Variants in ARFIP1 observed in about 807,000 individuals in gnomAD.
The protein encoded by ARFIP1 is arfaptin-1.
Under a neutral mutation model 42.5 loss-of-function variants are expected in ARFIP1, and 24 were observed. That is an observed-to-expected ratio of 0.57 (90% CI 0.41 to 0.80). The LOEUF is 0.80. ARFIP1 is among the 30% of genes least tolerant of loss of function. ARFIP1 has a pLI of 0.00. For synonymous variants in ARFIP1, 141 were observed against 153.7 expected (o/e 0.92, Z 0.61); for missense variants, 354 against 434.0 (o/e 0.82, Z 1.64).
chr4:152,819,308 G>T (rs1172353401), intron 1 of ARFIP1, among the ~76,000 whole-genome samples: 1 of 152,130 alleles, frequency 6.6e-6, no homozygotes, highest in East Asian at 1.9e-4. Context: ...CATCACCCTG[G>T]CTAACTAGAA....
intron 2 of ARFIP1, among the ~76,000 whole-genome samples, chr4:152,854,617 G>A (rs1268723579): frequency 6.6e-6 from 1 of 152,190 alleles, no homozygotes; most frequent in African/African-American, 2.4e-5. Context: ...TGTAGGGGAG[G>A]ACTTTTTCCT....
chr4:152,911,057 A>G lies in ARFIP1; in HGVS notation c.*838A>G, dbSNP rs1020816664. On this transcript the variant is annotated 3_prime_UTR_variant, in exon 9 of 9. Coordinates refer to ENST00000353617, the MANE Select transcript of ARFIP1 (RefSeq NM_001025595.3). ...TTTGGGTCAGTTCCATTTTGATAGA[A>G]GTGAATACATAGACAGCTTTTATTG... The G allele has an allele frequency of 4.6e-5, 7 of 152,636 alleles. No individual in the cohort carries two copies. Among genetic ancestry groups the G allele is most frequent in the Admixed American group, 3.9e-4 (6 of 15,284 alleles). The allele number at this position is 152,636 out of a possible 1,614,324, so 9.5% of individuals were successfully genotyped here. A position where few individuals can be genotyped will look rare whatever the true frequency, so the allele number is the denominator to read the frequency against.
chr4:152,862,684 T>C (rs971181908), intron 2 of ARFIP1, among the ~76,000 whole-genome samples: 6 of 152,204 alleles, frequency 3.9e-5, no homozygotes, highest in Non-Finnish European at 8.8e-5. Context: ...CCCATGAAAA[T>C]TTAATAAAGG....
chr4:152,880,350 C>CAA (rs200632915), intron 5 of ARFIP1, among the ~76,000 whole-genome samples: 4 of 125,526 alleles, frequency 3.2e-5, no homozygotes, highest in Non-Finnish European at 5.1e-5. Flanking sequence ...CCATCTCAGA[C>CAA]AAAAAAAAAA....
intron 1 of ARFIP1, among the ~76,000 whole-genome samples, 166 bp downstream of exon 1, chr4:152,780,392 C>T (rs1008688137): frequency 4.6e-5 from 7 of 152,212 alleles, no homozygotes; most frequent in African/African-American, 1.7e-4. Context: ...TTGGTTTCTT[C>T]TGTCCTTCAT....
At chr4:152,867,230 C>T (rs187161520) in intron 3 of ARFIP1, among the ~76,000 whole-genome samples, 4 of 152,332 alleles carry the variant, frequency 2.6e-5, no homozygotes, top group Admixed American at 6.5e-5. Context: ...GAACGAGACT[C>T]CGTCTGCAAT....
intron 2 of ARFIP1, among the ~76,000 whole-genome samples, chr4:152,849,373 T>C (rs1222837218): frequency 6.6e-6 from 1 of 152,252 alleles, no homozygotes; most frequent in Non-Finnish European, 1.5e-5. Context: ...AGTGTGTCGT[T>C]ATTTATAAAC....
intron 2 of ARFIP1, among the ~76,000 whole-genome samples, chr4:152,834,662 GCCCC>G (rs1731511680): frequency 2.0e-5 from 3 of 152,230 alleles, no homozygotes; most frequent in African/African-American, 7.2e-5. Context: ...GGGCAGCTCT[GCCCC>G]AGCCTCCATG....
intron 1 of ARFIP1, among the ~76,000 whole-genome samples, chr4:152,819,583 G>A (rs1730192230): frequency 6.6e-6 from 1 of 152,172 alleles, no homozygotes; most frequent in South Asian, 2.1e-4. Context: ...TTCACAGTAT[G>A]GGCCCTCAGC....
intron 2 of ARFIP1, among the ~76,000 whole-genome samples, chr4:152,832,020 A>C (rs1177273287): frequency 6.6e-6 from 1 of 151,326 alleles, no homozygotes; most frequent in East Asian, 1.9e-4. Flanking sequence ...TCCATTCTTC[A>C]GCTGATTGTT....
At chr4:152,795,894 C>CT (rs1481389537) in intron 1 of ARFIP1, among the ~76,000 whole-genome samples, 2 of 80,880 alleles carry the variant, frequency 2.5e-5, no homozygotes, top group African/African-American at 9.0e-5. Flanking sequence ...ATTTTTGGTC[C>CT]TTTTTCCCTT....
At chr4:152,871,114 A>G (rs1046580639) in intron 4 of ARFIP1, among the ~76,000 whole-genome samples, 5 of 152,216 alleles carry the variant, frequency 3.3e-5, no homozygotes, top group Admixed American at 2.6e-4. Context: ...GCTTTAAATC[A>G]TTCTTTCTTT....
chr4:152,793,871 G>A (rs550345464), intron 1 of ARFIP1, among the ~76,000 whole-genome samples: 9 of 152,070 alleles, frequency 5.9e-5, no homozygotes, highest in African/African-American at 1.9e-4. Context: ...AAAACGAACT[G>A]CCTGAACCTT....
At chr4:152,824,292 G>A (rs144063156) in intron 1 of ARFIP1, among the ~76,000 whole-genome samples, 2,463 of 149,660 alleles carry the variant, frequency 0.016, 67 homozygotes, top group African/African-American at 0.056. Context: ...CAGCCTGGGC[G>A]ACAGAGCAAG....
At chr4:152,845,096 A>G (rs992763512) in intron 2 of ARFIP1, among the ~76,000 whole-genome samples, 8 of 152,226 alleles carry the variant, frequency 5.3e-5, no homozygotes, top group Non-Finnish European at 1.0e-4. Flanking sequence ...GTCAACAAAA[A>G]TAAGCAATGA....
chr4:152,836,730 A>T (rs1274527178), intron 2 of ARFIP1, among the ~76,000 whole-genome samples: 1 of 152,182 alleles, frequency 6.6e-6, no homozygotes, highest in Non-Finnish European at 1.5e-5. Flanking sequence ...CACTGAAACA[A>T]ATTTTTTTCC....
chr4:152,783,839 G>A (rs1730643598), intron 1 of ARFIP1, among the ~76,000 whole-genome samples: 1 of 152,070 alleles, frequency 6.6e-6, no homozygotes, highest in South Asian at 2.1e-4. Flanking sequence ...TCTCTGGTGT[G>A]TGTGTGTGTG....
At position 152,882,797 on chromosome 4, in the gene ARFIP1, T is replaced by C. The variant is rs370072389; in HGVS notation, c.708T>C (p.Asn236=). The part of the protein sequence containing the change: ...KNGETLLGAI[N]FFIASVNTLV... The stretch of plus-strand genomic sequence containing the variant: ...GAGAGACTCTTCTTGGGGCCATTAA[T>C]TTTTTCATTGCTAGTGTGAACACTT... Residue 236 remains asparagine, a synonymous_variant, in exon 7 of 9, where the codon AAT becomes AAC. Coordinates refer to ENST00000353617, the MANE Select transcript of ARFIP1 (RefSeq NM_001025595.3). 5 of 1,613,076 alleles carry C rather than the reference T, an allele frequency of 3.1e-6. No homozygotes were observed. The highest frequency in any genetic ancestry group is 4.2e-6 in the Non-Finnish European group (5 of 1,179,494).
chr4:152,791,988 T>C (rs1561098869), intron 1 of ARFIP1, among the ~76,000 whole-genome samples: 1 of 152,164 alleles, frequency 6.6e-6, no homozygotes, highest in Non-Finnish European at 1.5e-5. Context: ...TCTGTTCCTG[T>C]TTATCCATGA....
Sources: allele counts gnomAD v4.1 joint callset (sites outside exome capture counted in the v4.1 genomes callset), GRCh38; gene constraint gnomAD v4.1.1; transcripts MANE v1.5; gene names NCBI Gene and HGNC (gene_info 2026-07-23, HGNC 2026-07-21).